BRI3BP: variants seen among roughly 807,000 people sequenced by gnomAD.
BRI3BP encodes BRI3-binding protein.
Under a neutral mutation model 15.8 loss-of-function variants are expected in BRI3BP, and 7 were observed. That is an observed-to-expected ratio of 0.44 (90% CI 0.25 to 0.83). The LOEUF (loss-of-function observed/expected upper bound fraction) is 0.83, where lower values mean the gene tolerates loss of function less well. Among genes scored for constraint, BRI3BP ranks in the 40% least tolerant of loss-of-function variants. The pLI is 0.20. For synonymous variants in BRI3BP, 192 were observed against 163.5 expected, an observed-to-expected ratio of 1.17 and a Z score of -1.33; for missense variants, 320 against 339.3, an observed-to-expected ratio of 0.94 and a Z score of 0.45.
At chr12:125,004,194 A>G (rs1565902742) in intron 1 of BRI3BP, among the ~76,000 whole-genome samples, 1 of 152,070 alleles carries the variant, frequency 6.6e-6, no homozygotes, top group Non-Finnish European at 1.5e-5. Context: ...TTTTTTTGAG[A>G]CAAGGTCTTG....
chr12:125,042,088 T>C, the BRI3BP span, among the ~76,000 whole-genome samples: 4,645 of 152,376 alleles, frequency 0.03, 92 homozygotes, highest in Non-Finnish European at 0.045. Flanking sequence ...TTTACAGATA[T>C]GCCAGAATTT....
At chr12:124,998,819 G>A (rs1315593973) in intron 1 of BRI3BP, among the ~76,000 whole-genome samples, 1 of 152,162 alleles carries the variant, frequency 6.6e-6, no homozygotes, top group Non-Finnish European at 1.5e-5. Context: ...GCTCACATCT[G>A]TAATCCCACC....
At chr12:125,017,603 C>T (rs1243290924) in intron 2 of BRI3BP, among the ~76,000 whole-genome samples, 1 of 152,196 alleles carries the variant, frequency 6.6e-6, no homozygotes, top group Non-Finnish European at 1.5e-5. Context: ...CACATCAGTT[C>T]TGACTTGTCA....
intron 1 of BRI3BP, among the ~76,000 whole-genome samples, chr12:125,007,610 G>T (rs577952156): frequency 6.6e-6 from 1 of 151,656 alleles, no homozygotes; most frequent in Non-Finnish European, 1.5e-5. Flanking sequence ...TCCCAGCTAC[G>T]TGGGAGGCTG....
chr12:125,047,577 T>C, the BRI3BP span, among the ~76,000 whole-genome samples: 2 of 152,074 alleles, frequency 1.3e-5, no homozygotes, highest in Non-Finnish European at 2.9e-5. Flanking sequence ...GGTTTTGCCA[T>C]GTTGGCCAGG....
At position 125,025,637 on chromosome 12, in the gene BRI3BP, G is replaced by A. The variant is rs1373223021; in HGVS notation, c.*207G>A. ...AGATCATTGACGTGGAACTACACAC[G>A]AAGTGTAATTAGTGGGGGAAAAAAT... On this transcript the variant is annotated 3_prime_UTR_variant, in exon 3 of 3. Transcript: ENST00000341446. The A allele has an allele frequency of 5.4e-6, 3 of 552,618 alleles. No homozygotes were observed. Among genetic ancestry groups the A allele is most frequent in the Non-Finnish European group, 9.4e-6 (3 of 320,108 alleles). 34.2% of individuals were successfully genotyped at this position (552,618 alleles called of 1,614,324 possible). A position where few individuals can be genotyped will look rare whatever the true frequency, so the allele number is the denominator to read the frequency against.
chr12:125,023,075 T>C (rs1955314858), intron 2 of BRI3BP, among the ~76,000 whole-genome samples: 1 of 152,244 alleles, frequency 6.6e-6, no homozygotes, highest in Non-Finnish European at 1.5e-5. Context: ...ATGCTACTCT[T>C]ACATTTCACT....
Position 125,002,444 on chromosome 12 carries a change from G to GT in BRI3BP, c.213+8452dup, listed in dbSNP as rs60534735. Among the ~76,000 whole-genome samples, 560 of 142,446 alleles carry GT rather than the reference G, an allele frequency of 3.9e-3. 1 individual carries two copies. The highest frequency in any genetic ancestry group is 0.011 in the African/African-American group (406 of 38,618). The allele number at this position is 142,446 out of a possible 152,430, so 93.5% of individuals were successfully genotyped here. ...CTGTGGTTTTGACAGTCCAGAACTG[G>GT]TTTTTTTTTTTGTTTTGTTTTTTTT... On this transcript the variant is annotated intron_variant, in intron 1 of 2. Coordinates refer to ENST00000341446, the MANE Select transcript of BRI3BP (RefSeq NM_080626.6).
intron 1 of BRI3BP, among the ~76,000 whole-genome samples, chr12:125,008,151 T>A (rs746608442): frequency 3.9e-5 from 6 of 152,010 alleles, no homozygotes; most frequent in Non-Finnish European, 7.4e-5. Context: ...TGAGAACCAC[T>A]GAGCTGGGAT....
At chr12:125,035,385 A>C (rs944231893), downstream of BRI3BP, among the ~76,000 whole-genome samples, 1 of 141,216 alleles carries the variant, frequency 7.1e-6, no homozygotes, top group Non-Finnish European at 1.5e-5. Context: ...ACTTACTAAT[A>C]GGTATTGTCT....
chr12:125,021,739 A>G (rs1955300947), intron 2 of BRI3BP, among the ~76,000 whole-genome samples: 1 of 152,190 alleles, frequency 6.6e-6, no homozygotes, highest in South Asian at 2.1e-4. Flanking sequence ...AAACTGCCAA[A>G]CACTTTTAAA....
chr12:125,044,216 G>C, the BRI3BP span, among the ~76,000 whole-genome samples: 2 of 151,968 alleles, frequency 1.3e-5, no homozygotes, highest in East Asian at 1.9e-4. Context: ...GCAGTGGCGC[G>C]ATCTTGGCTC....
chr12:125,003,956 A>ACACACACACACACAC (rs1955118800), intron 1 of BRI3BP, among the ~76,000 whole-genome samples: 1 of 38,154 alleles, frequency 2.6e-5, no homozygotes, highest in Non-Finnish European at 4.0e-5. Flanking sequence ...CCATCTCAAA[A>ACACACACACACACAC]ACACACACAC....
At chr12:124,997,262 C>T (rs1955049798) in intron 1 of BRI3BP, among the ~76,000 whole-genome samples, 1 of 102,020 alleles carries the variant, frequency 9.8e-6, no homozygotes, top group Non-Finnish European at 1.9e-5. Context: ...TTCTCCCAGG[C>T]TGGAGTGCAA....
chr12:125,037,888 A>G, the BRI3BP span, among the ~76,000 whole-genome samples: 3 of 152,088 alleles, frequency 2.0e-5, no homozygotes, highest in East Asian at 5.8e-4. Flanking sequence ...CATTTATGTG[A>G]GAAAGTGTAA....
In BRI3BP at chr12:125,028,360, G is replaced by A. The variant is rs1203078019; in HGVS notation, c.*2930G>A. ...CCACCCTCTTACCCGAAACATGAAG[G>A]GCACTGTGCTCTATTGAGATCTCGA... On this transcript the variant is annotated 3_prime_UTR_variant, in exon 3 of 3. Transcript: ENST00000341446. 1 of 152,176 alleles carries A rather than the reference G, an allele frequency of 6.6e-6. No homozygotes were observed. The highest frequency in any genetic ancestry group is 1.5e-5 in the Non-Finnish European group (1 of 68,044). 9.4% of individuals were successfully genotyped at this position (152,176 alleles called of 1,614,324 possible). A position where few individuals can be genotyped will look rare whatever the true frequency, so the allele number is the denominator to read the frequency against.
At chr12:125,045,931 G>A in the BRI3BP span, among the ~76,000 whole-genome samples, 1 of 152,080 alleles carries the variant, frequency 6.6e-6, no homozygotes. Flanking sequence ...TTGGGAGGCT[G>A]AGGTGGGCAG....
intron 2 of BRI3BP, among the ~76,000 whole-genome samples, chr12:125,022,942 GTAAA>G (rs1955313759): frequency 6.6e-6 from 1 of 152,228 alleles, no homozygotes; most frequent in Non-Finnish European, 1.5e-5. Context: ...TAAAAAGTAT[GTAAA>G]TAGAGAATGC....
At chr12:124,996,160 C>T (rs923778222) in intron 1 of BRI3BP, among the ~76,000 whole-genome samples, 15 of 151,752 alleles carry the variant, frequency 9.9e-5, no homozygotes, top group African/African-American at 2.7e-4. Context: ...GTGATCCTCC[C>T]GCCTCGGCCT....
Sources: gnomAD v4.1 joint callset for allele counts (sites outside exome capture counted in the v4.1 genomes callset) on GRCh38, gnomAD v4.1.1 for gene constraint, MANE v1.5 for transcripts, NCBI Gene and HGNC (gene_info 2026-07-23, HGNC 2026-07-21) for gene names.